SCN11A: variants seen among roughly 807,000 people sequenced by gnomAD.
The protein encoded by SCN11A is sodium channel protein type 11 subunit alpha.
SCN11A carries 122 observed loss-of-function variants against 162.2 expected under a neutral mutation model. The ratio of observed to expected loss-of-function variants is 0.75; its 90% CI spans 0.65 to 0.87. The LOEUF (loss-of-function observed/expected upper bound fraction) is 0.87. SCN11A is among the 40% of genes least tolerant of loss of function. The pLI, the probability that SCN11A is intolerant of heterozygous loss-of-function variation, is 0.00. For synonymous variants in SCN11A, 758 were observed against 751.5 expected, an observed-to-expected ratio of 1.01 and a Z score of -0.14; for missense variants, 2,015 against 2,181.6, an observed-to-expected ratio of 0.92 and a Z score of 1.52.
At chr3:38,871,016 C>T (rs1051211919) in intron 25 of SCN11A, among the ~76,000 whole-genome samples, 1 of 152,146 alleles carries the variant, frequency 6.6e-6, no homozygotes, top group African/African-American at 2.4e-5. Flanking sequence ...GAAGCTGTGG[C>T]CCAACAGCTG....
intron 26 of SCN11A, 34 bp downstream of exon 26, chr3:38,870,657 T>C (rs753190850): frequency 1.3e-6 from 2 of 1,588,154 alleles, no homozygotes; most frequent in Non-Finnish European, 1.7e-6. Context: ...GACTTGACCA[T>C]AACACTCCAG....
Position 38,846,650 on chromosome 3 carries a change from A to C in SCN11A, c.*44T>G, listed in dbSNP as rs1424051421. The C allele has an allele frequency of 6.5e-7, 1 of 1,531,390 alleles. No individual in the cohort carries two copies. The highest frequency in any genetic ancestry group is 9.0e-7 in the Non-Finnish European group (1 of 1,110,776). The allele number at this position is 1,531,390 out of a possible 1,614,324, so 94.9% of individuals were successfully genotyped here. A position where few individuals can be genotyped will look rare whatever the true frequency, so the allele number is the denominator to read the frequency against. On this transcript the variant is annotated 3_prime_UTR_variant, in exon 30 of 30. Transcript: ENST00000302328. ...GCTGACCCCTGGAGCTCAGAGGCTG[A>C]AGGCAAGGCTGTGAAGCTATGAGGT... is the stretch of plus-strand genomic sequence containing the variant.
chr3:38,893,079 A>AT (rs1326937383), intron 19 of SCN11A, among the ~76,000 whole-genome samples: 1 of 152,166 alleles, frequency 6.6e-6, no homozygotes, highest in Non-Finnish European at 1.5e-5. Context: ...GCCAGAATAG[A>AT]TAAGAAAACA....
chr3:38,869,147 G>C (rs1223217432), intron 26 of SCN11A, among the ~76,000 whole-genome samples: 1 of 152,038 alleles, frequency 6.6e-6, no homozygotes, highest in Non-Finnish European at 1.5e-5. Flanking sequence ...GTACATATCA[G>C]GACCGGCATC....
At chr3:38,901,911 C>A (rs2065707370) in intron 16 of SCN11A, among the ~76,000 whole-genome samples, 1 of 152,182 alleles carries the variant, frequency 6.6e-6, no homozygotes. Flanking sequence ...TCCTCCTGCT[C>A]TGGAGGAAGT....
chr3:39,040,604 G>C (rs2032026579), intron 1 of SCN11A, among the ~76,000 whole-genome samples: 1 of 152,256 alleles, frequency 6.6e-6, no homozygotes, highest in Admixed American at 6.5e-5. Context: ...CAAGATACAG[G>C]ATAAATACAG....
chr3:38,933,001 G>A (rs1162506304), intron 7 of SCN11A, among the ~76,000 whole-genome samples: 15 of 152,258 alleles, frequency 9.9e-5, no homozygotes, highest in East Asian at 5.8e-4. Context: ...CACCTCACAC[G>A]GCCGGGTACT....
At chr3:38,869,158 A>C (rs1272354085) in intron 26 of SCN11A, among the ~76,000 whole-genome samples, 3 of 152,100 alleles carry the variant, frequency 2.0e-5, no homozygotes, top group Non-Finnish European at 2.9e-5. Flanking sequence ...GACCGGCATC[A>C]AAACAGGCAC....
intron 28 of SCN11A, among the ~76,000 whole-genome samples, 185 bp from the exon 29 acceptor site, chr3:38,850,936 C>T (rs2064768429): frequency 6.6e-6 from 1 of 152,110 alleles, no homozygotes. Flanking sequence ...TATATATTTT[C>T]ATTAAAATGT....
At chr3:39,041,060 C>T (rs934718737) in intron 1 of SCN11A, among the ~76,000 whole-genome samples, 5 of 151,770 alleles carry the variant, frequency 3.3e-5, no homozygotes, top group African/African-American at 4.8e-5. Flanking sequence ...CCGGCCTGGG[C>T]GAAAGAGCAA....
chr3:38,968,641 T>C (rs532683223), intron 2 of SCN11A, among the ~76,000 whole-genome samples: 1 of 152,154 alleles, frequency 6.6e-6, no homozygotes, highest in Non-Finnish European at 1.5e-5. Flanking sequence ...TGCACACGCA[T>C]ACATATATGC....
chr3:39,027,193 C>G (rs994668969), intron 2 of SCN11A, among the ~76,000 whole-genome samples: 1 of 152,200 alleles, frequency 6.6e-6, no homozygotes, highest in Admixed American at 6.5e-5. Flanking sequence ...CATTGAACAT[C>G]CCTGTCTTGT....
At chr3:39,037,027 T>A (rs1426889422) in intron 1 of SCN11A, among the ~76,000 whole-genome samples, 1 of 152,232 alleles carries the variant, frequency 6.6e-6, no homozygotes, top group Non-Finnish European at 1.5e-5. Context: ...TGCACTCTCA[T>A]GTTTATTGCA....
intron 28 of SCN11A, among the ~76,000 whole-genome samples, chr3:38,860,761 T>C (rs1011840792): frequency 1.3e-5 from 2 of 152,146 alleles, no homozygotes; most frequent in African/African-American, 4.8e-5. Flanking sequence ...AAGCCATTTA[T>C]GACAAACCCA....
intron 2 of SCN11A, among the ~76,000 whole-genome samples, chr3:38,976,251 G>C (rs2066848542): frequency 6.6e-6 from 1 of 152,088 alleles, no homozygotes; most frequent in Non-Finnish European, 1.5e-5. Context: ...TCAAAGAACA[G>C]TAATATACAT....
intron 7 of SCN11A, among the ~76,000 whole-genome samples, chr3:38,939,067 G>T (rs62242305): frequency 0.043 from 6,483 of 152,062 alleles, 188 homozygotes; most frequent in Non-Finnish European, 0.065. Context: ...CAGTCACTTG[G>T]GAGGCTGAGA....
At chr3:38,851,822 CAGATAA>C (rs986689255) in intron 28 of SCN11A, among the ~76,000 whole-genome samples, 2 of 152,010 alleles carry the variant, frequency 1.3e-5, no homozygotes, top group African/African-American at 4.8e-5. Flanking sequence ...GTGGTGACAG[CAGATAA>C]AGATAAAAGC....
At chr3:38,895,038 C>CT (rs1327018064) in intron 18 of SCN11A, 74 bp from the exon 19 acceptor site, 26 of 1,383,398 alleles carry the variant, frequency 1.9e-5, no homozygotes, top group African/African-American at 2.9e-5. Flanking sequence ...TCCAGGACAA[C>CT]TTTTCCCCAA....
Position 38,846,759 on chromosome 3 carries a change from G to A in SCN11A, c.5311C>T (p.Gln1771Ter), listed in dbSNP as rs552852063. 4 of 1,614,106 alleles carry A rather than the reference G, an allele frequency of 2.5e-6. No homozygotes were observed. In the Admixed American group the frequency reaches 6.7e-5, roughly 27 times the overall value. Residue 1771 changes from glutamine (Q) to a stop codon, truncating the protein, a stop_gained, in exon 30 of 30, where the codon CAG becomes TAG. Coordinates refer to ENST00000302328, the MANE Select transcript of SCN11A (RefSeq NM_001349253.2). LOFTEE classifies it high-confidence loss of function. ...DLENGPHSPL[Q>*]TLCNGDLSSF... ...GACAAGTCTCCATTGCAAAGAGTCT[G>A]GAGTGGTGAATGAGGCCCGTTTTCC...
Sources: gnomAD v4.1 joint callset for allele counts (sites outside exome capture counted in the v4.1 genomes callset) on GRCh38, gnomAD v4.1.1 for gene constraint, MANE v1.5 for transcripts, NCBI Gene and HGNC (gene_info 2026-07-23, HGNC 2026-07-21) for gene names.